The following DPP7 variants were observed in gnomAD, a reference collection of about 807,000 sequenced individuals.
DPP7 encodes dipeptidyl peptidase 7.
A neutral mutation model predicts 58.8 loss-of-function variants in DPP7; 74 were observed. The observed-to-expected ratio is 1.26, with a 90% confidence interval of 1.04 to 1.53. The LOEUF (loss-of-function observed/expected upper bound fraction) is 1.53, where lower values mean the gene tolerates loss of function less well. DPP7 is among the 40% of genes most tolerant of loss of function. DPP7 has a pLI of 0.00. For synonymous variants in DPP7, 350 were observed against 303.6 expected (o/e 1.15, Z -1.59); for missense variants, 807 against 692.3 (o/e 1.17, Z -1.86).
rs1831426616 is a variant in DPP7, at chr9:137,112,617, C to G, written c.931+128G>C. Reference sequence around the variant, plus strand: ...TTCTGGGAAGGTCGTGCTGTCCACCCCACCACAGCCCTGGGGCAGGAGGCA... The same window carrying G: ...TTCTGGGAAGGTCGTGCTGTCCACCGCACCACAGCCCTGGGGCAGGAGGCA... On this transcript the variant is annotated intron_variant, in intron 8 of 12. Coordinates refer to ENST00000371579, the MANE Select transcript of DPP7 (RefSeq NM_013379.3). 10 of 1,165,270 alleles carry G rather than the reference C, an allele frequency of 8.6e-6. 1 individual carries two copies. Among genetic ancestry groups the G allele is most frequent in the Non-Finnish European group, 2.4e-6 (2 of 828,772 alleles). The allele number at this position is 1,165,270 out of a possible 1,614,324, so 72.2% of individuals were successfully genotyped here.
Position 137,111,637 on chromosome 9 carries a change from CA to C in DPP7, c.1272+52del, listed in dbSNP as rs61364468. 1,964 of 1,341,382 alleles carry C rather than the reference CA, an allele frequency of 1.5e-3. 6 individuals are homozygous for C. The highest frequency in any genetic ancestry group is 0.013 in the African/African-American group (889 of 67,886). 83.1% of individuals were successfully genotyped at this position (1,341,382 alleles called of 1,614,324 possible). A position where few individuals can be genotyped will look rare whatever the true frequency, so the allele number is the denominator to read the frequency against. On this transcript the variant is annotated intron_variant, in intron 11 of 12. Transcript: ENST00000371579. ...TGGGCGCCAGAGAAAGACCCTGTCT[CA>C]AAAAAAAAACAAACAAACTAACGGG... is the stretch of plus-strand genomic sequence containing the variant.
rs772091711 is a variant in DPP7 at position 137,110,644 on chromosome 9, G to C, written c.*4C>G. ...GGAGCCTTGAGACCCCTCCAGTCCT[G>C]TGCTCAGAGGCTGAGTCTGGGCCCC... is the stretch of plus-strand genomic sequence containing the variant. On this transcript the variant is annotated 3_prime_UTR_variant, in exon 13 of 13. Transcript: ENST00000371579. 6.8e-6 allele frequency: 11 copies of C among 1,609,580 alleles called. No homozygotes were observed. The East Asian group carries it at 2.2e-4, about 33-fold the overall frequency.
In DPP7 at chr9:137,112,106, C is replaced by A. The variant is rs771408753; in HGVS notation, c.1050+6G>T. 1 of 1,611,930 alleles carries A rather than the reference C, an allele frequency of 6.2e-7. No homozygotes were observed. Among genetic ancestry groups the A allele is most frequent in the Admixed American group, 1.7e-5 (1 of 59,950 alleles). On this transcript the variant is annotated splice_donor_region_variant and intron_variant, in intron 9 of 12. Coordinates refer to ENST00000371579, the MANE Select transcript of DPP7 (RefSeq NM_013379.3). ...GAGTGGTTCCAGGCCACCCACACCC[C>A]CACACCTGGTAGTCCCAGGCCCTGG...
rs762572316 is a variant in DPP7, at chr9:137,114,328, C to T, written c.236G>A (p.Gly79Asp). ...GTTGTTGGCGAAGGCCCACACGTCGCCCTCGTTCCCAGTGTAGAAGAAGAT... is the reference window on the plus strand; with the variant it reads ...GTTGTTGGCGAAGGCCCACACGTCGTCCTCGTTCCCAGTGTAGAAGAAGAT... ...GPIFFYTGNE[G>D]DVWAFANNSA... Residue 79 changes from glycine (G) to aspartate (D), a missense_variant, in exon 3 of 13, where the codon GGC becomes GAC. Coordinates refer to ENST00000371579, the MANE Select transcript of DPP7 (RefSeq NM_013379.3). The T allele has an allele frequency of 1.2e-5, 19 of 1,606,126 alleles. No homozygotes were observed. Among genetic ancestry groups the T allele is most frequent in the Admixed American group, 1.7e-5 (1 of 59,764 alleles).
rs749458514 is a variant in DPP7 at position 137,112,967 on chromosome 9, C to T, written c.856G>A (p.Ala286Thr). Residue 286 changes from alanine to threonine, a missense_variant, in exon 7 of 13, where the codon GCC becomes ACC. Coordinates refer to ENST00000371579, the MANE Select transcript of DPP7 (RefSeq NM_013379.3). ...YPTDFLGPLP[A>T]NPVKVGCDRL... ...CGGCGCCTCACCTTGACGGGGTTGG[C>T]AGGGAGGGGACCCAGGAAGTCAGTG... 1.2e-6 allele frequency: 2 copies of T among 1,613,376 alleles called. No individual in the cohort carries two copies. Among genetic ancestry groups the T allele is most frequent in the Middle Eastern group, 1.6e-4 (1 of 6,062 alleles).
chr9:137,116,083 G>A (rs961449161), upstream of DPP7, among the ~76,000 whole-genome samples: 3 of 152,208 alleles, frequency 2.0e-5, no homozygotes, highest in African/African-American at 4.8e-5. Context: ...AGAGCCTGGA[G>A]ACGCTCCAGG....
chr9:137,111,052 A>C, intron 11 of DPP7, 102 bp from the exon 12 acceptor site: 1 of 1,167,566 alleles, frequency 8.6e-7, no homozygotes, highest in Non-Finnish European at 1.2e-6. Flanking sequence ...GCCGAGACTC[A>C]GTGCCCATCA....
rs773627432 is a variant in DPP7, at chr9:137,114,266, C to T, written c.298G>A (p.Ala100Thr). The stretch of plus-strand genomic sequence containing the variant: ...ACGTGCTCCGCGAAGACCAGTAGAG[C>T]CCCCCGCTCGGCCGCCAGCTCCGCG... Reference protein sequence around the residue: ...FVAELAAERGALLVFAEHRYY... With the variant: ...FVAELAAERGTLLVFAEHRYY... The change falls in exon 3 of 13, where the codon GCT becomes ACT. Residue 100 changes from alanine to threonine, a missense_variant. Coordinates refer to ENST00000371579, the MANE Select transcript of DPP7 (RefSeq NM_013379.3). 1 of 1,598,976 alleles carries T rather than the reference C, an allele frequency of 6.3e-7. No individual in the cohort carries two copies. The highest frequency in any genetic ancestry group is 1.1e-5 in the South Asian group (1 of 89,910).
chr9:137,110,798 CAG>C lies in DPP7; in HGVS notation c.1344-17_1344-16del, dbSNP rs1200970868. On this transcript the variant is annotated splice_polypyrimidine_tract_variant and intron_variant, in intron 12 of 12. Transcript: ENST00000371579. Reference sequence around the variant, plus strand: ...GGTGGGAGGCTCTGGGGAGCGGGCACAGAGGGGGCCCGTCAGCCCCAGCCCTC... The same window carrying C: ...GGTGGGAGGCTCTGGGGAGCGGGCACAGGGGGCCCGTCAGCCCCAGCCCTC... 1.2e-6 allele frequency: 2 copies of C among 1,602,806 alleles called. No individual in the cohort carries two copies. The highest frequency in any genetic ancestry group is 1.7e-6 in the Non-Finnish European group (2 of 1,178,824).
chr9:137,113,526 T>A, intron 4 of DPP7, 30 bp from the exon 5 acceptor site: 1 of 1,522,114 alleles, frequency 6.6e-7, no homozygotes, highest in South Asian at 1.3e-5. Flanking sequence ...TTAGGGCTGC[T>A]GCCCCCAACA....
At chr9:137,112,900 C>T in intron 7 of DPP7, 53 bp downstream of exon 7, 1 of 1,608,166 alleles carries the variant, frequency 6.2e-7, no homozygotes, top group Non-Finnish European at 8.5e-7. Context: ...TGACCACCAG[C>T]CTCGGGACAC....
In DPP7 at chr9:137,112,205, G is replaced by A. The variant is rs1024265810; in HGVS notation, c.957C>T (p.Ser319=). The A allele has an allele frequency of 8.7e-6, 14 of 1,602,848 alleles. No individual in the cohort carries two copies. Among genetic ancestry groups the A allele is most frequent in the African/African-American group, 5.3e-5 (4 of 74,868 alleles). Reference sequence around the variant, plus strand: ...GCCGGTAGATGTCGTAGCAGTGCTCGGAGCCCGAGGCGTTGTAGACCAGCC... The same window carrying A: ...GCCGGTAGATGTCGTAGCAGTGCTCAGAGCCCGAGGCGTTGTAGACCAGCC... ...LAGLVYNASG[S]EHCYDIYRLY... The change falls in exon 9 of 13, where the codon TCC becomes TCT. Residue 319 remains serine, a synonymous_variant. Transcript: ENST00000371579.
chr9:137,111,016 A>G (rs1831337167), intron 11 of DPP7, 66 bp from the exon 12 acceptor site: 2 of 1,495,194 alleles, frequency 1.3e-6, no homozygotes, highest in Non-Finnish European at 1.8e-6. Context: ...CCGTGGGCCC[A>G]TTGGAGAGGA....
At chr9:137,113,697 G>T in intron 4 of DPP7, 168 bp downstream of exon 4, 1 of 1,423,430 alleles carries the variant, frequency 7.0e-7, no homozygotes, top group Non-Finnish European at 9.2e-7. Flanking sequence ...GTGGCTGGGA[G>T]GACAGGTGGG....
At chr9:137,115,126 A>G (rs1252920743), upstream of DPP7, 1 of 166,172 alleles carries the variant, frequency 6.0e-6, no homozygotes, top group East Asian at 1.7e-4. Flanking sequence ...AGAGGGTCCC[A>G]AACAGAGTGC....
chr9:137,115,426 C>T (rs1439881730), upstream of DPP7, among the ~76,000 whole-genome samples: 1 of 152,198 alleles, frequency 6.6e-6, no homozygotes, highest in Non-Finnish European at 1.5e-5. Context: ...CACCTTTCCC[C>T]AGCGTCCAGT....
intron 3 of DPP7, 89 bp downstream of exon 3, chr9:137,114,154 G>A (rs1831524666): frequency 2.9e-6 from 1 of 349,572 alleles, no homozygotes; most frequent in Non-Finnish European, 3.9e-6. Flanking sequence ...ACCCCGCCCG[G>A]CACCCGCGTG....
At chr9:137,115,475 G>C (rs1178675234), upstream of DPP7, among the ~76,000 whole-genome samples, 1 of 152,294 alleles carries the variant, frequency 6.6e-6, no homozygotes, top group East Asian at 1.9e-4. Flanking sequence ...GTGGGTGCCA[G>C]ACTAGCTACG....
intron 6 of DPP7, 36 bp downstream of exon 6, chr9:137,113,170 C>G: frequency 6.2e-7 from 1 of 1,613,644 alleles, no homozygotes; most frequent in Non-Finnish European, 8.5e-7. Context: ...GGCGCTGGGG[C>G]GGGTCAGGCA....
Sources: allele counts gnomAD v4.1 joint callset (sites outside exome capture counted in the v4.1 genomes callset), GRCh38; gene constraint gnomAD v4.1.1; transcripts MANE v1.5; gene names NCBI Gene and HGNC (gene_info 2026-07-23, HGNC 2026-07-21).